SCPEP1: variants seen among roughly 807,000 people sequenced by gnomAD.
SCPEP1 encodes the protein serine carboxypeptidase 1.
In SCPEP1, 51 loss-of-function variants were observed where a neutral mutation model predicts 63.8. That is an observed-to-expected ratio of 0.80 (90% CI 0.64 to 1.01). SCPEP1 has a LOEUF of 1.01. Among genes scored for constraint, SCPEP1 ranks in the 50% least tolerant of loss-of-function variants. SCPEP1 has a pLI of 0.00. For missense variants in SCPEP1, 499 were observed against 554.9 expected, an observed-to-expected ratio of 0.90 and a Z score of 1.01; for synonymous variants, 204 against 207.8, an observed-to-expected ratio of 0.98 and a Z score of 0.16.
At chr17:57,005,111 G>C (rs952371467) in intron 12 of SCPEP1, among the ~76,000 whole-genome samples, 7 of 152,224 alleles carry the variant, frequency 4.6e-5, no homozygotes, top group Non-Finnish European at 1.0e-4. Context: ...GAAATAAACT[G>C]TGTGTTGTGC....
intron 12 of SCPEP1, among the ~76,000 whole-genome samples, chr17:57,004,149 A>G (rs935150535): frequency 3.3e-5 from 5 of 152,190 alleles, no homozygotes; most frequent in Admixed American, 1.3e-4. Flanking sequence ...CAGTGAGCCA[A>G]GATAGTGCCA....
chr17:56,988,339 A>T, intron 5 of SCPEP1, 49 bp downstream of exon 5: 1 of 1,434,238 alleles, frequency 7.0e-7, no homozygotes, highest in Non-Finnish European at 9.8e-7. Context: ...AAAATCAATT[A>T]TGTTACTTTT....
intron 8 of SCPEP1, 43 bp from the exon 9 acceptor site, chr17:56,996,919 T>C: frequency 1.4e-6 from 2 of 1,382,980 alleles, no homozygotes; most frequent in South Asian, 1.2e-5. Flanking sequence ...GCTTTGATGA[T>C]AGGAAAATGA....
chr17:56,990,237 A>G (rs539687573), intron 5 of SCPEP1, among the ~76,000 whole-genome samples: 1 of 152,360 alleles, frequency 6.6e-6, no homozygotes, highest in East Asian at 1.9e-4. Context: ...GACACACTTA[A>G]CTGCAGTCAG....
At chr17:56,992,724 G>A (rs1257302640) in intron 6 of SCPEP1, among the ~76,000 whole-genome samples, 1 of 152,184 alleles carries the variant, frequency 6.6e-6, no homozygotes, top group Non-Finnish European at 1.5e-5. Context: ...GAGACTTAGA[G>A]AGGTTAAGCA....
chr17:56,991,766 G>T (rs926619760), intron 6 of SCPEP1, among the ~76,000 whole-genome samples: 22 of 152,290 alleles, frequency 1.4e-4, no homozygotes, highest in African/African-American at 5.1e-4. Context: ...TCTAACACAG[G>T]GTTTCTCAGC....
chr17:57,001,153 G>A (rs904646600), intron 11 of SCPEP1, among the ~76,000 whole-genome samples, 161 bp downstream of exon 11: 3 of 152,122 alleles, frequency 2.0e-5, no homozygotes, highest in African/African-American at 7.2e-5. Flanking sequence ...TTATTCAAAG[G>A]GTGGGGAGCT....
At chr17:56,984,737 AG>A (rs1911165349) in intron 2 of SCPEP1, 1 of 153,192 alleles carries the variant, frequency 6.5e-6, no homozygotes, top group Non-Finnish European at 1.5e-5. Context: ...CAGAAGGCCC[AG>A]TGTCTAGTCC....
At chr17:57,000,780 A>G (rs1911715494) in intron 10 of SCPEP1, 75 bp from the exon 11 acceptor site, 1 of 1,531,936 alleles carries the variant, frequency 6.5e-7, no homozygotes, top group African/African-American at 1.4e-5. Context: ...GGAGCCCAAG[A>G]TGCTCTGGGC....
intron 2 of SCPEP1, chr17:56,985,156 G>A: frequency 3.5e-6 from 2 of 579,508 alleles, no homozygotes; most frequent in Non-Finnish European, 6.1e-6. Context: ...ATTCCATTGT[G>A]GACCTCTTAG....
chr17:56,992,830 G>A (rs576709868), intron 6 of SCPEP1, among the ~76,000 whole-genome samples: 11 of 152,148 alleles, frequency 7.2e-5, no homozygotes, highest in Non-Finnish European at 1.5e-4. Context: ...TTGCTACATT[G>A]TCTCTCCAAG....
At chr17:56,991,299 G>C (rs1911391886) in intron 6 of SCPEP1, 128 bp downstream of exon 6, 1 of 776,022 alleles carries the variant, frequency 1.3e-6, no homozygotes, top group South Asian at 1.5e-5. Flanking sequence ...GAAAGTGTTT[G>C]CTACATCCAA....
chr17:56,991,273 G>A, intron 6 of SCPEP1, 102 bp downstream of exon 6: 1 of 905,512 alleles, frequency 1.1e-6, no homozygotes, highest in South Asian at 1.3e-5. Flanking sequence ...GCAGGAGAAT[G>A]TTCTGGGCCC....
At chr17:56,990,171 A>G (rs1911350789) in intron 5 of SCPEP1, among the ~76,000 whole-genome samples, 1 of 152,212 alleles carries the variant, frequency 6.6e-6, no homozygotes. Flanking sequence ...ACACTTCCAT[A>G]TGTGGAGATA....
intron 12 of SCPEP1, among the ~76,000 whole-genome samples, chr17:57,003,119 G>A (rs770938463): frequency 3.3e-5 from 5 of 152,048 alleles, no homozygotes; most frequent in East Asian, 3.9e-4. Flanking sequence ...TGTGCCCCAC[G>A]TGATGCGTAG....
intron 8 of SCPEP1, 65 bp downstream of exon 8, chr17:56,995,700 G>A (rs1911528890): frequency 1.3e-6 from 2 of 1,529,250 alleles, no homozygotes; most frequent in East Asian, 2.3e-5. Flanking sequence ...AGGGCCCATG[G>A]TTGGTGTTGT....
At position 56,985,472 on chromosome 17, in the gene SCPEP1, A is replaced by G. The variant is rs1911188558; in HGVS notation, c.315+5A>G. 1 of 1,609,078 alleles carries G rather than the reference A, an allele frequency of 6.2e-7. No homozygotes were observed. Among genetic ancestry groups the G allele is most frequent in the Middle Eastern group, 1.7e-4 (1 of 6,054 alleles). ...AAACCACGGAAAACCACCTGGGTAC[A>G]GTGAGGACAGTCCTGAGCTAAACCT... is the stretch of plus-strand genomic sequence containing the variant. On this transcript the variant is annotated splice_donor_5th_base_variant and intron_variant, in intron 3 of 12. Coordinates refer to ENST00000262288, the MANE Select transcript of SCPEP1 (RefSeq NM_021626.3).
intron 10 of SCPEP1, among the ~76,000 whole-genome samples, 177 bp downstream of exon 10, chr17:56,998,675 C>A (rs1360280071): frequency 6.6e-6 from 1 of 152,144 alleles, no homozygotes; most frequent in African/African-American, 2.4e-5. Flanking sequence ...CAGTAAATGA[C>A]TTGTCAGGGC....
At chr17:56,990,222 T>A (rs1911351754) in intron 5 of SCPEP1, among the ~76,000 whole-genome samples, 1 of 152,228 alleles carries the variant, frequency 6.6e-6, no homozygotes, top group Admixed American at 6.5e-5. Flanking sequence ...GTTAGAAGGA[T>A]ACATGACACA....
Sources: allele counts gnomAD v4.1 joint callset (sites outside exome capture counted in the v4.1 genomes callset), GRCh38; gene constraint gnomAD v4.1.1; transcripts MANE v1.5; gene names NCBI Gene and HGNC (gene_info 2026-07-23, HGNC 2026-07-21).